The following GRIN2A variants were observed in gnomAD, a reference collection of about 807,000 sequenced individuals.
GRIN2A encodes the protein glutamate receptor ionotropic, NMDA 2A.
In GRIN2A, 22 loss-of-function variants were observed where a neutral mutation model predicts 113.4. The ratio of observed to expected loss-of-function variants is 0.19; its 90% CI spans 0.14 to 0.28. GRIN2A has a LOEUF of 0.28. GRIN2A is among the 10% of genes least tolerant of loss of function. The pLI is 1.00. For missense variants in GRIN2A, 1,502 were observed against 1,887.0 expected, an observed-to-expected ratio of 0.80 and a Z score of 3.78; for synonymous variants, 827 against 738.4, an observed-to-expected ratio of 1.12 and a Z score of -1.94.
Position 10,157,964 on chromosome 16 carries a change from T to C in GRIN2A, c.414+22034A>G, listed in dbSNP as rs142177699. Among the ~76,000 whole-genome samples, 340 of 152,278 alleles carry C rather than the reference T, an allele frequency of 2.2e-3. 1 individual carries two copies. The highest frequency in any genetic ancestry group is 7.5e-3 in the African/African-American group (313 of 41,574). On this transcript the variant is annotated intron_variant, in intron 2 of 12. Transcript: ENST00000330684. Reference sequence around the variant, plus strand: ...TGAAACTGGTTTTCATTATTGGCAGTGATATACCATTCTCTTTTAAACTAT... The same window carrying C: ...TGAAACTGGTTTTCATTATTGGCAGCGATATACCATTCTCTTTTAAACTAT...
intron 4 of GRIN2A, among the ~76,000 whole-genome samples, chr16:9,866,605 G>A (rs1360176664): frequency 6.6e-6 from 1 of 152,148 alleles, no homozygotes; most frequent in African/African-American, 2.4e-5. Flanking sequence ...CTCAACACCT[G>A]GGGATAATAT....
At chr16:10,096,470 C>T (rs2048291110) in intron 2 of GRIN2A, among the ~76,000 whole-genome samples, 1 of 151,382 alleles carries the variant, frequency 6.6e-6, no homozygotes, top group Non-Finnish European at 1.5e-5. Context: ...GTGTGAGAAC[C>T]ATGGTCTATA....
At chr16:10,181,167 T>TCACTCAACTGCTAGTGGGCCCAGGACC in intron 1 of GRIN2A, among the ~76,000 whole-genome samples, 1 of 151,934 alleles carries the variant, frequency 6.6e-6, no homozygotes, top group South Asian at 2.1e-4. Flanking sequence ...GGAGAGTCCT[T>TCACTCAACTGCTAGTGGGCCCAGGACC]CACCCCTACA....
intron 2 of GRIN2A, among the ~76,000 whole-genome samples, chr16:10,090,509 C>T (rs1477961709): frequency 3.9e-5 from 6 of 152,022 alleles, no homozygotes; most frequent in African/African-American, 1.4e-4. Context: ...AAATCCTTAT[C>T]TCCAAACCAC....
chr16:9,763,700 T>C lies in GRIN2A; in HGVS notation c.3844A>G (p.Asn1282Asp). 1.2e-6 allele frequency: 2 copies of C among 1,614,130 alleles called. No homozygotes were observed. The highest frequency in any genetic ancestry group is 8.5e-7 in the Non-Finnish European group (1 of 1,180,014). ...AQNNALQLQK[N>D]KLRISRQHSY... Reference sequence around the variant, plus strand: ...TGCTGACGGCTAATCCTTAGCTTGTTCTTTTGTAATTGAAGGGCATTGTTC... The same window carrying C: ...TGCTGACGGCTAATCCTTAGCTTGTCCTTTTGTAATTGAAGGGCATTGTTC... Residue 1282 changes from asparagine to aspartate, a missense_variant, in exon 13 of 13, where the codon AAC becomes GAC. Around this residue, in one of 7 missense-constraint regions of GRIN2A, gnomAD observed 832 missense variants for 789.7 expected, o/e 1.05. Coordinates refer to ENST00000330684, the MANE Select transcript of GRIN2A (RefSeq NM_001134407.3).
intron 2 of GRIN2A, among the ~76,000 whole-genome samples, chr16:10,084,219 T>G (rs2048041535): frequency 6.6e-6 from 1 of 152,228 alleles, no homozygotes; most frequent in South Asian, 2.1e-4. Flanking sequence ...ATTTATATTC[T>G]TTACTGAGCA....
intron 2 of GRIN2A, among the ~76,000 whole-genome samples, chr16:10,015,829 A>T (rs1439685853): frequency 6.6e-6 from 1 of 152,156 alleles, no homozygotes; most frequent in East Asian, 1.9e-4. Context: ...ACAGAACCTC[A>T]TTAAACCATG....
intron 2 of GRIN2A, among the ~76,000 whole-genome samples, chr16:10,147,294 G>C (rs574549282): frequency 3.4e-4 from 51 of 152,012 alleles, no homozygotes; most frequent in African/African-American, 1.1e-3. Flanking sequence ...CCTGCTAAAA[G>C]AAGACACAGA....
At chr16:9,918,116 G>A (rs2044287010) in intron 3 of GRIN2A, among the ~76,000 whole-genome samples, 1 of 152,074 alleles carries the variant, frequency 6.6e-6, no homozygotes, top group South Asian at 2.1e-4. Context: ...ACTGTGAGTG[G>A]GGACCAGCAT....
intron 5 of GRIN2A, among the ~76,000 whole-genome samples, chr16:9,849,413 C>A (rs1171134665): frequency 6.6e-6 from 1 of 151,866 alleles, no homozygotes; most frequent in Admixed American, 6.6e-5. Context: ...AAAAACATGT[C>A]TGTGGAGTCA....
At chr16:9,862,310 T>A (rs2043083520) in intron 4 of GRIN2A, among the ~76,000 whole-genome samples, 1 of 152,188 alleles carries the variant, frequency 6.6e-6, no homozygotes, top group African/African-American at 2.4e-5. Flanking sequence ...CAGCTCACAT[T>A]GGAGAAGTAG....
At chr16:10,053,402 A>G (rs530024784) in intron 2 of GRIN2A, among the ~76,000 whole-genome samples, 6 of 152,354 alleles carry the variant, frequency 3.9e-5, no homozygotes, top group African/African-American at 1.4e-4. Context: ...GAATATTCCC[A>G]CTTTAAATTA....
chr16:10,045,861 T>A (rs2047248551), intron 2 of GRIN2A, among the ~76,000 whole-genome samples: 1 of 152,230 alleles, frequency 6.6e-6, no homozygotes, highest in Non-Finnish European at 1.5e-5. Context: ...TTTTGCCCTA[T>A]GCCAGGGTTT....
intron 11 of GRIN2A, among the ~76,000 whole-genome samples, chr16:9,792,325 C>G (rs1902659146): frequency 6.6e-6 from 1 of 152,146 alleles, no homozygotes; most frequent in African/African-American, 2.4e-5. Context: ...TGAGCTCAAG[C>G]AATCCTCCTG....
intron 3 of GRIN2A, among the ~76,000 whole-genome samples, chr16:9,907,111 C>T (rs558786586): frequency 6.6e-6 from 1 of 152,278 alleles, no homozygotes; most frequent in East Asian, 1.9e-4. Flanking sequence ...CGATGCCTGA[C>T]CACAAAAGTC....
At chr16:10,022,349 G>A (rs1037228100) in intron 2 of GRIN2A, among the ~76,000 whole-genome samples, 6 of 147,014 alleles carry the variant, frequency 4.1e-5, no homozygotes, top group South Asian at 2.2e-4. Context: ...ACGCACATAC[G>A]TGTACCATCC....
At chr16:9,874,163 T>C (rs971843804) in intron 4 of GRIN2A, among the ~76,000 whole-genome samples, 2 of 152,210 alleles carry the variant, frequency 1.3e-5, no homozygotes, top group African/African-American at 4.8e-5. Context: ...CCACTCAGTC[T>C]TTCTAATTTG....
At chr16:10,044,883 A>C (rs1041524745) in intron 2 of GRIN2A, among the ~76,000 whole-genome samples, 1 of 152,102 alleles carries the variant, frequency 6.6e-6, no homozygotes, top group Non-Finnish European at 1.5e-5. Context: ...CGAGCATTCA[A>C]ATATTTGTAG....
At chr16:9,874,610 T>G (rs531208204) in intron 4 of GRIN2A, among the ~76,000 whole-genome samples, 194 of 152,312 alleles carry the variant, frequency 1.3e-3, no homozygotes, top group African/African-American at 4.3e-3. Flanking sequence ...ATCTCTACCA[T>G]AAGGTACTGT....
Sources: allele counts gnomAD v4.1 joint callset (sites outside exome capture counted in the v4.1 genomes callset), GRCh38; gene constraint gnomAD v4.1.1; regional missense constraint gnomAD v4.1.1; transcripts MANE v1.5; gene names NCBI Gene and HGNC (gene_info 2026-07-23, HGNC 2026-07-21).